Variants in ZC3H18 observed in about 807,000 individuals in gnomAD.
ZC3H18 encodes zinc finger CCCH domain-containing protein 18.
Under a neutral mutation model 106.1 loss-of-function variants are expected in ZC3H18, and 8 were observed. The observed-to-expected ratio is 0.08, with a 90% confidence interval of 0.04 to 0.14. The LOEUF (loss-of-function observed/expected upper bound fraction) is 0.14. ZC3H18 is among the 10% of genes least tolerant of loss of function. ZC3H18 has a pLI of 1.00. For missense variants in ZC3H18, 1,318 were observed against 1,278.4 expected, an observed-to-expected ratio of 1.03 and a Z score of -0.47; for synonymous variants, 635 against 522.1, an observed-to-expected ratio of 1.22 and a Z score of -2.95.
chr16:88,579,909 C>T (rs1469708505), intron 2 of ZC3H18, among the ~76,000 whole-genome samples: 6 of 152,256 alleles, frequency 3.9e-5, no homozygotes, highest in Non-Finnish European at 5.9e-5. Flanking sequence ...GAGCAGAGCC[C>T]GCTCCTGCTG....
chr16:88,610,076 C>G (rs553847962), intron 7 of ZC3H18, among the ~76,000 whole-genome samples: 15 of 152,202 alleles, frequency 9.9e-5, no homozygotes, highest in African/African-American at 3.6e-4. Flanking sequence ...TCCGGGCCTG[C>G]TGCACCTCAC....
intron 12 of ZC3H18, 137 bp from the exon 13 acceptor site, chr16:88,625,065 A>ACAGG: frequency 9.7e-7 from 1 of 1,035,010 alleles, no homozygotes. Flanking sequence ...CTAAAGGAAG[A>ACAGG]CAGGCCCAGG....
chr16:88,628,516 G>T lies in ZC3H18; in HGVS notation c.2470-242G>T, dbSNP rs531167188. On this transcript the variant is annotated intron_variant, in intron 15 of 17. Transcript: ENST00000301011. ...CCCAGGTCCTCCTAGAGTGGCCCCC[G>T]TGGGGAGCAGGAAGGCCTGCAGGGT... 20 of 559,960 alleles carry T rather than the reference G, an allele frequency of 3.6e-5. No individual in the cohort carries two copies. In the African/African-American group the frequency reaches 3.6e-4, roughly 10 times the overall value. 34.7% of individuals were successfully genotyped at this position (559,960 alleles called of 1,614,324 possible).
chr16:88,581,121 T>C (rs1363516777), intron 2 of ZC3H18, among the ~76,000 whole-genome samples: 1 of 152,218 alleles, frequency 6.6e-6, no homozygotes, highest in Non-Finnish European at 1.5e-5. Flanking sequence ...AGCCGTTTGA[T>C]TTGGCATTCT....
intron 2 of ZC3H18, among the ~76,000 whole-genome samples, chr16:88,581,388 A>T (rs1303762144): frequency 1.3e-5 from 2 of 152,162 alleles, no homozygotes; most frequent in Admixed American, 1.3e-4. Context: ...TATGGGGTAC[A>T]CTTTCCTTGA....
intron 7 of ZC3H18, 92 bp downstream of exon 7, chr16:88,609,143 T>C (rs2142738191): frequency 2.9e-6 from 3 of 1,044,444 alleles, no homozygotes; most frequent in Non-Finnish European, 4.2e-6. Context: ...CAGGGCTTTA[T>C]ATGAGCTTAT....
At chr16:88,609,199 G>A (rs529827360) in intron 7 of ZC3H18, 148 bp downstream of exon 7, 70 of 523,472 alleles carry the variant, frequency 1.3e-4, no homozygotes, top group African/African-American at 1.0e-3. Flanking sequence ...TGATTGTTAC[G>A]GAGAACGAAT....
chr16:88,621,606 T>C (rs1434007498), intron 8 of ZC3H18, among the ~76,000 whole-genome samples: 2 of 152,054 alleles, frequency 1.3e-5, no homozygotes, highest in Non-Finnish European at 2.9e-5. Flanking sequence ...TCCGCCCACC[T>C]CAGCCTCCCA....
intron 6 of ZC3H18, among the ~76,000 whole-genome samples, 181 bp downstream of exon 6, chr16:88,600,129 G>A (rs1904671093): frequency 6.6e-6 from 1 of 152,132 alleles, no homozygotes; most frequent in African/African-American, 2.4e-5. Context: ...TCAGTTTTTT[G>A]CTTCTAGGAA....
intron 2 of ZC3H18, among the ~76,000 whole-genome samples, chr16:88,585,959 C>G (rs1182113909): frequency 1.3e-5 from 2 of 152,028 alleles, no homozygotes; most frequent in East Asian, 3.9e-4. Flanking sequence ...AAGGAGGGGT[C>G]TCAGCTGCAC....
intron 9 of ZC3H18, 112 bp from the exon 10 acceptor site, chr16:88,623,107 T>TTGTGTGTAGCTGTGCGTC (rs1555537935): frequency 2.7e-6 from 4 of 1,457,410 alleles, no homozygotes; most frequent in Non-Finnish European, 3.7e-6. Context: ...AGCTGTGCGC[T>TTGTGTGTAGCTGTGCGTC]TGTGTGTAGC....
intron 3 of ZC3H18, among the ~76,000 whole-genome samples, chr16:88,595,663 C>T (rs1375848590): frequency 1.3e-5 from 2 of 151,332 alleles, no homozygotes; most frequent in Admixed American, 6.6e-5. Flanking sequence ...AAAAATTAGC[C>T]GGGCTTGGTG....
intron 1 of ZC3H18, among the ~76,000 whole-genome samples, chr16:88,575,213 C>A (rs962264781): frequency 1.3e-5 from 2 of 151,738 alleles, no homozygotes; most frequent in East Asian, 1.9e-4. Context: ...ATTCTTGATA[C>A]TGTGCATCTT....
intron 6 of ZC3H18, among the ~76,000 whole-genome samples, chr16:88,603,855 G>C (rs542970095): frequency 1.3e-5 from 2 of 148,410 alleles, no homozygotes; most frequent in Non-Finnish European, 3.0e-5. Context: ...GGTTGGTCTC[G>C]ATCTCCTGAC....
chr16:88,577,773 C>G (rs374826989), intron 2 of ZC3H18, 47 bp downstream of exon 2: 8 of 1,611,040 alleles, frequency 5.0e-6, no homozygotes, highest in Non-Finnish European at 6.8e-6. Flanking sequence ...GCCCAGCAGC[C>G]TGACATAGAC....
chr16:88,579,208 G>A (rs1914957376), intron 2 of ZC3H18, among the ~76,000 whole-genome samples: 1 of 152,234 alleles, frequency 6.6e-6, no homozygotes, highest in African/African-American at 2.4e-5. Flanking sequence ...TCCTCAGCTA[G>A]TGCTTTTTGC....
intron 13 of ZC3H18, chr16:88,625,558 T>C: frequency 2.3e-6 from 1 of 427,120 alleles, no homozygotes; most frequent in Non-Finnish European, 4.3e-6. Flanking sequence ...CCCAGCACCC[T>C]GAGAGAGCAC....
intron 15 of ZC3H18, 34 bp downstream of exon 15, chr16:88,628,153 G>A: frequency 1.2e-6 from 2 of 1,607,280 alleles, no homozygotes; most frequent in Non-Finnish European, 1.7e-6. Flanking sequence ...GGCTGCCCCA[G>A]CGTCTAGGCC....
intron 1 of ZC3H18, among the ~76,000 whole-genome samples, chr16:88,574,908 C>A (rs1914649132): frequency 6.6e-6 from 1 of 150,706 alleles, no homozygotes; most frequent in Admixed American, 6.6e-5. Flanking sequence ...CGGCTCACTC[C>A]AAGCCCCGCC....
Sources: gnomAD v4.1 joint callset for allele counts (sites outside exome capture counted in the v4.1 genomes callset) on GRCh38, gnomAD v4.1.1 for gene constraint, MANE v1.5 for transcripts, NCBI Gene and HGNC (gene_info 2026-07-23, HGNC 2026-07-21) for gene names.